The following DPP10 variants were observed in gnomAD, a reference collection of about 807,000 sequenced individuals.
The protein encoded by DPP10 is inactive dipeptidyl peptidase 10.
A neutral mutation model predicts 120.9 loss-of-function variants in DPP10; 33 were observed. The observed-to-expected ratio is 0.27, with a 90% CI of 0.21 to 0.37. The LOEUF is 0.37. Among genes scored for constraint, DPP10 ranks in the 10% least tolerant of loss-of-function variants. DPP10 has a pLI of 1.00. For synonymous variants in DPP10, 337 were observed against 326.1 expected (o/e 1.03, Z -0.36); for missense variants, 816 against 942.8 (o/e 0.87, Z 1.76).
chr2:115,505,938 A>G (rs936837695), intron 4 of DPP10, among the ~76,000 whole-genome samples: 5 of 152,048 alleles, frequency 3.3e-5, no homozygotes, highest in Non-Finnish European at 7.4e-5. Context: ...TCAGAACATC[A>G]CATTTTACCC....
intron 1 of DPP10, among the ~76,000 whole-genome samples, chr2:115,072,981 C>T (rs1428989196): frequency 1.3e-5 from 2 of 152,088 alleles, no homozygotes; most frequent in Admixed American, 1.3e-4. Context: ...TGGGGTTTCA[C>T]CCTGTTGGCC....
At chr2:115,361,450 G>A (rs1228425843) in intron 3 of DPP10, among the ~76,000 whole-genome samples, 1 of 152,044 alleles carries the variant, frequency 6.6e-6, no homozygotes. Context: ...CAGGGGCTTT[G>A]AGGGTGGTCA....
At chr2:114,594,339 G>A (rs865991464) in intron 1 of DPP10, among the ~76,000 whole-genome samples, 2 of 151,008 alleles carry the variant, frequency 1.3e-5, no homozygotes, top group Non-Finnish European at 2.9e-5. Context: ...TTGTGATCAT[G>A]TAAGTTAATA....
At chr2:114,857,651 T>C (rs1046366809) in intron 1 of DPP10, among the ~76,000 whole-genome samples, 3 of 152,206 alleles carry the variant, frequency 2.0e-5, no homozygotes, top group Non-Finnish European at 4.4e-5. Context: ...ATAGTATTCA[T>C]ATGCTACTAC....
At chr2:115,135,315 T>A (rs1236919138) in intron 1 of DPP10, among the ~76,000 whole-genome samples, 1 of 151,952 alleles carries the variant, frequency 6.6e-6, no homozygotes, top group African/African-American at 2.4e-5. Context: ...CTTTTTAACC[T>A]TCCTTCCTTC....
At chr2:114,799,360 C>A (rs1683995144) in intron 1 of DPP10, among the ~76,000 whole-genome samples, 1 of 152,110 alleles carries the variant, frequency 6.6e-6, no homozygotes, top group Non-Finnish European at 1.5e-5. Flanking sequence ...AGTAGGGCTG[C>A]CTTCTCATTC....
At chr2:114,452,194 A>C (rs1343674023) in intron 1 of DPP10, among the ~76,000 whole-genome samples, 4 of 152,180 alleles carry the variant, frequency 2.6e-5, no homozygotes, top group African/African-American at 9.6e-5. Flanking sequence ...CTAGTAATAC[A>C]TGAATGGCTT....
intron 1 of DPP10, among the ~76,000 whole-genome samples, chr2:115,290,573 T>C (rs1004201484): frequency 6.6e-6 from 1 of 152,124 alleles, no homozygotes; most frequent in Non-Finnish European, 1.5e-5. Flanking sequence ...TGAGACAAGG[T>C]GAGAAAATTC....
At chr2:115,291,583 A>G (rs901329111) in intron 1 of DPP10, among the ~76,000 whole-genome samples, 1 of 152,150 alleles carries the variant, frequency 6.6e-6, no homozygotes, top group Non-Finnish European at 1.5e-5. Flanking sequence ...CAGTGTATCA[A>G]TATTTAATTT....
intron 1 of DPP10, among the ~76,000 whole-genome samples, chr2:114,811,494 C>T (rs569324128): frequency 6.6e-6 from 1 of 152,148 alleles, no homozygotes; most frequent in African/African-American, 2.4e-5. Flanking sequence ...ACCCCACCAT[C>T]AGCATCACCC....
chr2:114,923,245 G>A (rs1242301958), intron 1 of DPP10, among the ~76,000 whole-genome samples: 6 of 148,990 alleles, frequency 4.0e-5, no homozygotes, highest in African/African-American at 9.9e-5. Flanking sequence ...GTGCAGTGGC[G>A]CAATCTGAGC....
intron 7 of DPP10, among the ~76,000 whole-genome samples, chr2:115,726,779 A>G (rs2092774866): frequency 6.6e-6 from 1 of 152,176 alleles, no homozygotes; most frequent in African/African-American, 2.4e-5. Flanking sequence ...ACCAAGATTT[A>G]AAACCTAGGG....
chr2:114,763,566 A>AT (rs901722553), intron 1 of DPP10, among the ~76,000 whole-genome samples: 2 of 151,748 alleles, frequency 1.3e-5, no homozygotes, highest in Non-Finnish European at 2.9e-5. Flanking sequence ...TTTTACAAAG[A>AT]TTTTTTTTTA....
chr2:114,946,463 T>C (rs555060029), intron 1 of DPP10, among the ~76,000 whole-genome samples: 1 of 152,298 alleles, frequency 6.6e-6, no homozygotes, highest in Admixed American at 6.5e-5. Context: ...ATAGTTAAGA[T>C]GGTAAATTTT....
intron 1 of DPP10, among the ~76,000 whole-genome samples, chr2:115,233,604 C>G (rs934670780): frequency 6.6e-6 from 1 of 152,144 alleles, no homozygotes; most frequent in African/African-American, 2.4e-5. Context: ...GGAGTTCACT[C>G]TGGGATCCAT....
rs150923384 is a variant in DPP10, at chr2:115,343,844, G to C, written c.203G>C (p.Arg68Thr). ...PDELTNSSET[R>T]LSLEDLFRKD... Reference sequence around the variant, plus strand: ...GAACTCACAAATTCGTCAGAAACCAGATTGTCTTTGGAAGACCTCTTTAGG... The same window carrying C: ...GAACTCACAAATTCGTCAGAAACCACATTGTCTTTGGAAGACCTCTTTAGG... Residue 68 changes from arginine (R) to threonine (T), a missense_variant, in exon 3 of 26, where the codon AGA becomes ACA. By Grantham distance (71) the Arg-to-Thr change is moderately conservative. This residue lies in a region of DPP10 where 182 missense variants were observed against 207.4 expected (regional missense o/e 0.88). Coordinates refer to ENST00000410059, the MANE Select transcript of DPP10 (RefSeq NM_020868.6). 54 of 1,611,424 alleles carry C rather than the reference G, an allele frequency of 3.4e-5. No individual in the cohort carries two copies. In the African/African-American group the frequency reaches 6.7e-4, roughly 20 times the overall value.
chr2:115,635,338 A>G (rs1379409111), intron 5 of DPP10, among the ~76,000 whole-genome samples: 2 of 152,120 alleles, frequency 1.3e-5, no homozygotes, highest in African/African-American at 4.8e-5. Flanking sequence ...TGGGCTGACA[A>G]GGGGGATCTC....
At chr2:114,858,788 G>A (rs1460835006) in intron 1 of DPP10, among the ~76,000 whole-genome samples, 2 of 151,940 alleles carry the variant, frequency 1.3e-5, no homozygotes, top group African/African-American at 4.8e-5. Context: ...TTCTCAAAAC[G>A]ATCCTAGGAG....
intron 3 of DPP10, among the ~76,000 whole-genome samples, chr2:115,354,027 A>G (rs769060072): frequency 1.3e-5 from 2 of 152,346 alleles, no homozygotes; most frequent in East Asian, 3.9e-4. Context: ...TGGAATGTTT[A>G]GATATTTTTA....
Sources: gnomAD v4.1 joint callset for allele counts (sites outside exome capture counted in the v4.1 genomes callset) on GRCh38, gnomAD v4.1.1 for gene constraint, gnomAD v4.1.1 regional missense constraint, MANE v1.5 for transcripts, NCBI Gene and HGNC (gene_info 2026-07-23, HGNC 2026-07-21) for gene names.